Variants in OXCT1 observed in about 807,000 individuals in gnomAD.
OXCT1 encodes the protein succinyl-CoA:3-ketoacid coenzyme A transferase 1, mitochondrial.
Under a neutral mutation model 69.6 loss-of-function variants are expected in OXCT1, and 27 were observed. The observed-to-expected ratio is 0.39, with a 90% CI of 0.29 to 0.54. The LOEUF (loss-of-function observed/expected upper bound fraction) is 0.54, where lower values mean the gene tolerates loss of function less well. OXCT1 is among the 20% of genes least tolerant of loss of function. The probability of loss-of-function intolerance (pLI) is 0.72; values close to 1 mark genes in which losing one functional copy is unlikely to be tolerated. For synonymous variants in OXCT1, 202 were observed against 217.8 expected, an observed-to-expected ratio of 0.93 and a Z score of 0.64; for missense variants, 437 against 650.2, an observed-to-expected ratio of 0.67 and a Z score of 3.57.
At chr5:41,835,741 T>C (rs532855204) in intron 7 of OXCT1, among the ~76,000 whole-genome samples, 4 of 152,310 alleles carry the variant, frequency 2.6e-5, no homozygotes, top group African/African-American at 9.6e-5. Context: ...AAACTAGCCA[T>C]GGCACAAGCC....
intron 7 of OXCT1, among the ~76,000 whole-genome samples, chr5:41,813,828 G>A (rs1303876288): frequency 4.0e-5 from 6 of 151,870 alleles, no homozygotes; most frequent in Admixed American, 2.0e-4. Context: ...GCAATCAAGT[G>A]AGTTATTTCT....
At chr5:41,869,648 G>C (rs1750183433) in intron 1 of OXCT1, among the ~76,000 whole-genome samples, 1 of 152,204 alleles carries the variant, frequency 6.6e-6, no homozygotes, top group Non-Finnish European at 1.5e-5. Flanking sequence ...GACACACCTC[G>C]GATGGTTTCC....
intron 3 of OXCT1, among the ~76,000 whole-genome samples, chr5:41,857,683 AGACCTGGGGCTG>A (rs1179136223): frequency 6.6e-6 from 1 of 152,200 alleles, no homozygotes; most frequent in African/African-American, 2.4e-5. Flanking sequence ...TCACTCCTTC[AGACCTGGGGCTG>A]GTAACAGCAC....
chr5:41,805,809 A>G (rs1746652164), intron 8 of OXCT1, 128 bp from the exon 9 acceptor site: 1 of 689,776 alleles, frequency 1.4e-6, no homozygotes, highest in Admixed American at 2.2e-5. Flanking sequence ...TCTGCAATAT[A>G]CCAGATATTT....
At chr5:41,849,220 G>A (rs1217548285) in intron 5 of OXCT1, among the ~76,000 whole-genome samples, 4 of 152,128 alleles carry the variant, frequency 2.6e-5, no homozygotes, top group Non-Finnish European at 1.5e-5. Flanking sequence ...AATGGGAGGG[G>A]CACAGCCAGC....
At chr5:41,804,938 A>C (rs1561090100) in intron 9 of OXCT1, among the ~76,000 whole-genome samples, 1 of 152,066 alleles carries the variant, frequency 6.6e-6, no homozygotes, top group Non-Finnish European at 1.5e-5. Flanking sequence ...TATATAATTC[A>C]ATGTCTACTG....
chr5:41,850,986 A>T (rs924594155), intron 4 of OXCT1, among the ~76,000 whole-genome samples: 6 of 152,178 alleles, frequency 3.9e-5, no homozygotes, highest in Admixed American at 2.6e-4. Context: ...GTCTTACTAG[A>T]AAACTGACTG....
At chr5:41,840,185 T>C (rs1748556685) in intron 7 of OXCT1, among the ~76,000 whole-genome samples, 2 of 152,216 alleles carry the variant, frequency 1.3e-5, no homozygotes, top group South Asian at 4.1e-4. Flanking sequence ...TCTATTTCAT[T>C]TAAGGATCAA....
intron 15 of OXCT1, among the ~76,000 whole-genome samples, chr5:41,746,094 C>G (rs1743472749): frequency 6.6e-6 from 1 of 151,862 alleles, no homozygotes; most frequent in South Asian, 2.1e-4. Flanking sequence ...AGAGACACAA[C>G]AAAAAAAGAG....
intron 13 of OXCT1, among the ~76,000 whole-genome samples, chr5:41,788,474 G>T (rs1745758557): frequency 6.6e-6 from 1 of 152,098 alleles, no homozygotes; most frequent in African/African-American, 2.4e-5. Context: ...AAATAAAGGT[G>T]TTCATAGGTT....
intron 13 of OXCT1, among the ~76,000 whole-genome samples, chr5:41,775,771 G>A (rs1287272681): frequency 2.0e-5 from 3 of 152,154 alleles, no homozygotes; most frequent in Admixed American, 6.5e-5. Context: ...AGGTATGGTT[G>A]AAAGGGGCTT....
intron 16 of OXCT1, among the ~76,000 whole-genome samples, chr5:41,738,987 A>G (rs1743023840): frequency 6.6e-6 from 1 of 152,248 alleles, no homozygotes; most frequent in African/African-American, 2.4e-5. Context: ...CATAAGTCAT[A>G]GATGGGTTTA....
intron 8 of OXCT1, among the ~76,000 whole-genome samples, chr5:41,806,498 G>A (rs1364194747): frequency 2.6e-5 from 4 of 152,106 alleles, no homozygotes; most frequent in Non-Finnish European, 5.9e-5. Flanking sequence ...CTAGTGGGAA[G>A]TGTTGGATCA....
chr5:41,778,560 AC>A (rs375080596), intron 13 of OXCT1, among the ~76,000 whole-genome samples: 3 of 152,246 alleles, frequency 2.0e-5, no homozygotes, highest in African/African-American at 4.8e-5. Flanking sequence ...ATGTCATATG[AC>A]CCCCAAATAA....
intron 5 of OXCT1, among the ~76,000 whole-genome samples, chr5:41,848,641 C>A (rs1288348395): frequency 6.6e-6 from 1 of 151,424 alleles, no homozygotes; most frequent in Non-Finnish European, 1.5e-5. Context: ...ATATCTACAA[C>A]TATCTGATTT....
chr5:41,757,148 A>G (rs373674281), intron 14 of OXCT1, among the ~76,000 whole-genome samples: 49 of 152,140 alleles, frequency 3.2e-4, no homozygotes, highest in African/African-American at 1.2e-3. Context: ...GAAAAAAATC[A>G]CTCTGGCCAC....
intron 1 of OXCT1, among the ~76,000 whole-genome samples, chr5:41,868,531 A>G (rs908965141): frequency 3.3e-5 from 5 of 152,204 alleles, no homozygotes; most frequent in South Asian, 2.1e-4. Context: ...AGACCATCCC[A>G]GCTAAAACGG....
chr5:41,809,602 C>T (rs1411669633), intron 7 of OXCT1, among the ~76,000 whole-genome samples: 1 of 151,926 alleles, frequency 6.6e-6, no homozygotes, highest in Admixed American at 6.6e-5. Context: ...TTCCTTTGGT[C>T]TTCCTGCCTT....
chr5:41,745,370 C>A (rs1743418145), intron 15 of OXCT1, among the ~76,000 whole-genome samples: 1 of 151,990 alleles, frequency 6.6e-6, no homozygotes, highest in South Asian at 2.1e-4. Context: ...AAAGACACAA[C>A]ATACCAGAAT....
Sources: allele counts gnomAD v4.1 joint callset (sites outside exome capture counted in the v4.1 genomes callset), GRCh38; gene constraint gnomAD v4.1.1; transcripts MANE v1.5; gene names NCBI Gene and HGNC (gene_info 2026-07-23, HGNC 2026-07-21).